VPS13C: variants seen among roughly 807,000 people sequenced by gnomAD.
VPS13C encodes intermembrane lipid transfer protein VPS13C.
In VPS13C, 358 loss-of-function variants were observed where a neutral mutation model predicts 456.8. The observed-to-expected ratio is 0.78, with a 90% CI of 0.72 to 0.86. The LOEUF (loss-of-function observed/expected upper bound fraction) is 0.86. Ranked by LOEUF, VPS13C falls within the 40% of genes least tolerant of loss-of-function variation. VPS13C has a pLI of 0.00. For missense variants in VPS13C, 4,818 were observed against 4,385.4 expected, an observed-to-expected ratio of 1.10 and a Z score of -2.79; for synonymous variants, 1,578 against 1,486.7, an observed-to-expected ratio of 1.06 and a Z score of -1.41.
At chr15:62,024,492 T>G (rs1401432781) in intron 6 of VPS13C, among the ~76,000 whole-genome samples, 2 of 152,060 alleles carry the variant, frequency 1.3e-5, no homozygotes, top group Non-Finnish European at 1.5e-5. Flanking sequence ...TTACAAATCT[T>G]CATACTCAAA....
At chr15:62,021,569 T>C (rs2047463361) in intron 8 of VPS13C, among the ~76,000 whole-genome samples, 2 of 152,022 alleles carry the variant, frequency 1.3e-5, no homozygotes, top group South Asian at 4.1e-4. Flanking sequence ...TGTTTGGTCA[T>C]GGCAGAAACT....
At chr15:62,050,045 C>A (rs962197734) in intron 1 of VPS13C, among the ~76,000 whole-genome samples, 2 of 152,202 alleles carry the variant, frequency 1.3e-5, no homozygotes, top group African/African-American at 4.8e-5. Context: ...ATGTCATCTG[C>A]AAACAGGGAC....
At chr15:62,052,941 G>T (rs2048672919) in intron 1 of VPS13C, among the ~76,000 whole-genome samples, 1 of 152,204 alleles carries the variant, frequency 6.6e-6, no homozygotes, top group Non-Finnish European at 1.5e-5. Context: ...TCACTTCAGG[G>T]ATCCCATAAT....
intron 3 of VPS13C, among the ~76,000 whole-genome samples, chr15:62,040,756 C>A (rs2048214818): frequency 6.6e-6 from 1 of 151,910 alleles, no homozygotes; most frequent in Non-Finnish European, 1.5e-5. Flanking sequence ...AACCAGATAG[C>A]ATGGACTAGA....
Position 62,005,657 on chromosome 15 carries a change from G to A in VPS13C, c.1290+1651C>T, listed in dbSNP as rs551351728. ...GCATGATTTTGCAGCGGCTGGTACCGGTTGTTCCTTTCCATGTTTAGTGCT... is the reference window on the plus strand; with the variant it reads ...GCATGATTTTGCAGCGGCTGGTACCAGTTGTTCCTTTCCATGTTTAGTGCT... On this transcript the variant is annotated intron_variant, in intron 15 of 84. Coordinates refer to ENST00000644861, the MANE Select transcript of VPS13C (RefSeq NM_020821.3). Among the ~76,000 whole-genome samples the A allele has an allele frequency of 2.2e-3, 328 of 150,358 alleles. 1 individual carries two copies. The highest frequency in any genetic ancestry group is 7.4e-3 in the African/African-American group (304 of 40,998).
At chr15:61,861,407 T>C (rs997729276) in intron 82 of VPS13C, among the ~76,000 whole-genome samples, 4 of 152,228 alleles carry the variant, frequency 2.6e-5, no homozygotes, top group African/African-American at 9.6e-5. Flanking sequence ...AGCTGTTTTC[T>C]TACTATAAGG....
Position 61,973,541 on chromosome 15 carries a change from G to T in VPS13C, c.2539-9C>A. 1 of 1,608,208 alleles carries T rather than the reference G, an allele frequency of 6.2e-7. No homozygotes were observed. The highest frequency in any genetic ancestry group is 1.1e-5 in the South Asian group (1 of 90,790). On this transcript the variant is annotated splice_polypyrimidine_tract_variant and intron_variant, in intron 25 of 84. Coordinates refer to ENST00000644861, the MANE Select transcript of VPS13C (RefSeq NM_020821.3). ...ATAGGAATTGAGGATACCTAGCAAA[G>T]AATACAAAAAGTTTTCTTAAAAAGG...
chr15:62,014,515 A>C (rs1244315628), intron 9 of VPS13C, among the ~76,000 whole-genome samples: 1 of 152,124 alleles, frequency 6.6e-6, no homozygotes, highest in African/African-American at 2.4e-5. Context: ...GCACATAGGT[A>C]AAATGAGATC....
intron 28 of VPS13C, among the ~76,000 whole-genome samples, chr15:61,967,826 A>T (rs920854113): frequency 6.6e-6 from 1 of 151,880 alleles, no homozygotes; most frequent in South Asian, 2.1e-4. Flanking sequence ...GAACTGTTAA[A>T]CTCCTTTTTA....
intron 29 of VPS13C, 140 bp downstream of exon 29, chr15:61,967,228 A>G: frequency 1.4e-6 from 1 of 697,172 alleles, no homozygotes; most frequent in Non-Finnish European, 2.4e-6. Flanking sequence ...AGGTGTACAA[A>G]TGAAAAAAGA....
At position 62,023,495 on chromosome 15, in the gene VPS13C, A is replaced by G. The variant is rs376522511; in HGVS notation, c.540T>C (p.Asp180=). 5 of 1,585,174 alleles carry G rather than the reference A, an allele frequency of 3.2e-6. No homozygotes were observed. The highest frequency in any genetic ancestry group is 4.5e-5 in the East Asian group (2 of 43,984). ...GAGTTGCCAATTTTTCCACAAATGT[A>G]TCCTTTTTGGCTTCTTTTGGCTTAT... ...SKDKPKEAKK[D]TFVEKLATQV... Residue 180 remains aspartate, a synonymous_variant, in exon 8 of 85, where the codon GAT becomes GAC. Transcript: ENST00000644861.
At chr15:61,859,251 A>G (rs1894093759) in intron 82 of VPS13C, among the ~76,000 whole-genome samples, 1 of 152,054 alleles carries the variant, frequency 6.6e-6, no homozygotes, top group Non-Finnish European at 1.5e-5. Context: ...GGTACCAAGT[A>G]TGCAAGAGGC....
At chr15:62,027,797 A>G (rs1318215085) in intron 6 of VPS13C, among the ~76,000 whole-genome samples, 1 of 152,080 alleles carries the variant, frequency 6.6e-6, no homozygotes, top group African/African-American at 2.4e-5. Flanking sequence ...ATCCTAATAT[A>G]AACAGTAAGA....
chr15:61,996,786 T>G, intron 16 of VPS13C, among the ~76,000 whole-genome samples: 1 of 149,174 alleles, frequency 6.7e-6, no homozygotes, highest in South Asian at 2.1e-4. Context: ...TGAAGATAGA[T>G]CAACAGAAAT....
intron 5 of VPS13C, among the ~76,000 whole-genome samples, chr15:62,031,866 G>A (rs907629201): frequency 6.6e-6 from 1 of 151,846 alleles, no homozygotes; most frequent in African/African-American, 2.4e-5. Context: ...GTCTGAGTAC[G>A]AAATGTGTAA....
Position 61,934,301 on chromosome 15 carries a change from G to A in VPS13C, c.5786C>T (p.Ser1929Phe), listed in dbSNP as rs751812695. 17 of 1,592,550 alleles carry A rather than the reference G, an allele frequency of 1.1e-5. 1 individual carries two copies. In the South Asian group the frequency reaches 2.0e-4, roughly 18 times the overall value. Residue 1929 changes from serine (S) to phenylalanine (F), a missense_variant, in exon 49 of 85, where the codon TCT (serine) becomes TTT (phenylalanine). Ser to Phe is a radical substitution (Grantham distance 155, BLOSUM62 -2). Transcript: ENST00000644861. The stretch of plus-strand genomic sequence containing the variant: ...TTGGAGACTGACAATCTGGTTCATA[G>A]AGAGCTTTGAGTCTGTCCAATCTTC... ...EQEDWTDSKL[S>F]MNQIVSLQFD...
intron 66 of VPS13C, among the ~76,000 whole-genome samples, chr15:61,893,851 T>C (rs1375201037): frequency 6.6e-6 from 1 of 152,096 alleles, no homozygotes; most frequent in East Asian, 1.9e-4. Context: ...ATTGTGTCTA[T>C]AAGATGTTTT....
In VPS13C at chr15:61,853,489, T is replaced by C. The variant is rs903457473; in HGVS notation, c.*968A>G. 1.3e-5 allele frequency: 2 copies of C among 152,236 alleles called. No individual in the cohort carries two copies. Among genetic ancestry groups the C allele is most frequent in the Non-Finnish European group, 2.9e-5 (2 of 68,044 alleles). 9.4% of individuals were successfully genotyped at this position (152,236 alleles called of 1,614,324 possible). On this transcript the variant is annotated 3_prime_UTR_variant, in exon 85 of 85. Coordinates refer to ENST00000644861, the MANE Select transcript of VPS13C (RefSeq NM_020821.3). ...ATGCTACATTACAGAGGGCAGAGTG[T>C]AGCTATTTTAAGGTTTGATTGTCCA...
chr15:61,967,414 G>A lies in VPS13C; in HGVS notation c.2945C>T (p.Ser982Phe). ...SKRKPLHLIS[S>F]SDKPGLDLLK... ...AAGATCTAATCCAGGTTTGTCAGAA[G>A]AGCTAATCAAGTGAAGGGGCTTCCT... The change falls in exon 29 of 85, where the codon TCT becomes TTT. Residue 982 changes from serine (S) to phenylalanine (F), a missense_variant. Coordinates refer to ENST00000644861, the MANE Select transcript of VPS13C (RefSeq NM_020821.3). 1.9e-6 allele frequency: 3 copies of A among 1,604,856 alleles called. No homozygotes were observed. The highest frequency in any genetic ancestry group is 2.3e-5 in the East Asian group (1 of 44,230).
Sources: allele counts gnomAD v4.1 joint callset (sites outside exome capture counted in the v4.1 genomes callset), GRCh38; gene constraint gnomAD v4.1.1; transcripts MANE v1.5; gene names NCBI Gene and HGNC (gene_info 2026-07-23, HGNC 2026-07-21).